The following RBFOX1 variants were observed in gnomAD, a reference collection of about 807,000 sequenced individuals.
The protein encoded by RBFOX1 is RNA binding protein fox-1 homolog 1.
Under a neutral mutation model 57.7 loss-of-function variants are expected in RBFOX1, and 8 were observed. That is an observed-to-expected ratio of 0.14 (90% CI 0.08 to 0.25). RBFOX1 has a LOEUF of 0.25. RBFOX1 is among the 10% of genes least tolerant of loss of function. The pLI is 1.00. For missense variants in RBFOX1, 611 were observed against 548.5 expected (o/e 1.11, Z -1.14); for synonymous variants, 326 against 222.4 (o/e 1.47, Z -4.15).
intron 1 of RBFOX1, among the ~76,000 whole-genome samples, chr16:6,260,313 G>T (rs2097694057): frequency 2.0e-5 from 3 of 152,134 alleles, no homozygotes; most frequent in African/African-American, 7.2e-5. Flanking sequence ...CTTTCTACCT[G>T]CCTGTCTCTG....
At chr16:5,498,529 C>T (rs900018507) in intron 2 of RBFOX1, among the ~76,000 whole-genome samples, 1 of 152,124 alleles carries the variant, frequency 6.6e-6, no homozygotes, top group Non-Finnish European at 1.5e-5. Context: ...ATCACACTGC[C>T]TGCTGCAAGG....
chr16:6,915,667 C>T (rs992333499), intron 3 of RBFOX1, among the ~76,000 whole-genome samples: 2 of 151,506 alleles, frequency 1.3e-5, no homozygotes, highest in East Asian at 2.0e-4. Context: ...CCTCCTGCCT[C>T]AGCCTTCAGA....
chr16:7,428,112 C>G (rs564456878), intron 4 of RBFOX1, among the ~76,000 whole-genome samples: 13 of 152,252 alleles, frequency 8.5e-5, no homozygotes, highest in African/African-American at 3.1e-4. Flanking sequence ...GTCATTTCCT[C>G]CAAATCTGAA....
chr16:7,585,127 C>A (rs1338106593), intron 6 of RBFOX1, among the ~76,000 whole-genome samples: 2 of 152,154 alleles, frequency 1.3e-5, no homozygotes, highest in Non-Finnish European at 2.9e-5. Context: ...GCTCTTATGC[C>A]TGAAATAAAT....
chr16:7,092,570 T>C (rs1040458243), intron 4 of RBFOX1, among the ~76,000 whole-genome samples: 1 of 152,244 alleles, frequency 6.6e-6, no homozygotes, highest in Non-Finnish European at 1.5e-5. Flanking sequence ...TTTCTGCTTA[T>C]AAAAATCCTT....
intron 3 of RBFOX1, among the ~76,000 whole-genome samples, chr16:5,763,958 A>C (rs980127001): frequency 2.0e-5 from 3 of 151,780 alleles, no homozygotes; most frequent in Non-Finnish European, 4.4e-5. Flanking sequence ...TCACCTGTTT[A>C]CTCGTCTATC....
chr16:7,145,821 A>G (rs1380383574), intron 4 of RBFOX1, among the ~76,000 whole-genome samples: 1 of 152,132 alleles, frequency 6.6e-6, no homozygotes, highest in African/African-American at 2.4e-5. Flanking sequence ...CCGCACACAC[A>G]CTACTTCTCC....
rs1891327 is a variant in RBFOX1 at position 6,382,165 on chromosome 16, A to G, written c.-64+65108A>G. Among the ~76,000 whole-genome samples, 742 of 152,326 alleles carry G rather than the reference A, an allele frequency of 4.9e-3. 12 individuals carry two copies. The highest frequency in any genetic ancestry group is 0.016 in the African/African-American group (685 of 41,578). The stretch of plus-strand genomic sequence containing the variant: ...CCATCATTTTCATGTGTTGAAGAAT[A>G]GTATTCTTGTGATCCTTTTTCCCCA... On this transcript the variant is annotated intron_variant, in intron 2 of 15. Transcript: ENST00000550418.
rs144041758 is a variant in RBFOX1, at chr16:7,703,850, C to T, written c.996-5206C>T. Among the ~76,000 whole-genome samples the T allele has an allele frequency of 9.2e-3, 1,404 of 152,316 alleles. 23 individuals carry two copies. Among genetic ancestry groups the T allele is most frequent in the East Asian group, 0.041 (211 of 5,178 alleles). ...ATAAATTAGATCTCAACTCCAAAAGCATCTGTAATTTGATCGGTAGAGCTG... is the reference window on the plus strand; with the variant it reads ...ATAAATTAGATCTCAACTCCAAAAGTATCTGTAATTTGATCGGTAGAGCTG... On this transcript the variant is annotated intron_variant, in intron 14 of 15. Coordinates refer to ENST00000550418, the MANE Select transcript of RBFOX1 (RefSeq NM_018723.4).
intron 1 of RBFOX1, among the ~76,000 whole-genome samples, chr16:6,105,219 A>T (rs1171067229): frequency 1.3e-5 from 2 of 152,202 alleles, no homozygotes; most frequent in Admixed American, 1.3e-4. Context: ...GTTTTGGAGA[A>T]TATGTACAGT....
chr16:5,764,497 G>A (rs937493099), intron 3 of RBFOX1, among the ~76,000 whole-genome samples: 3 of 152,070 alleles, frequency 2.0e-5, no homozygotes, highest in South Asian at 4.2e-4. Flanking sequence ...CCAGGCTCAG[G>A]TGTTTCTTTA....
chr16:5,737,802 T>A (rs1408145904), intron 3 of RBFOX1, among the ~76,000 whole-genome samples: 1 of 152,174 alleles, frequency 6.6e-6, no homozygotes. Flanking sequence ...CTGAATTATA[T>A]CTCAATAAAG....
intron 4 of RBFOX1, among the ~76,000 whole-genome samples, chr16:7,361,886 G>T (rs2097329267): frequency 6.6e-6 from 1 of 151,228 alleles, no homozygotes; most frequent in African/African-American, 2.4e-5. Flanking sequence ...TTGTGTATAT[G>T]TTAGTATGTG....
At chr16:6,838,613 C>A (rs978635644) in intron 3 of RBFOX1, among the ~76,000 whole-genome samples, 3 of 152,166 alleles carry the variant, frequency 2.0e-5, no homozygotes, top group African/African-American at 7.2e-5. Context: ...TGCACTGCCA[C>A]TTAAGTAAAA....
At chr16:5,707,017 C>G (rs1216269375) in intron 3 of RBFOX1, among the ~76,000 whole-genome samples, 2 of 152,130 alleles carry the variant, frequency 1.3e-5, no homozygotes, top group Non-Finnish European at 2.9e-5. Context: ...ATGCTTGAGG[C>G]CATCTCTCTC....
intron 3 of RBFOX1, among the ~76,000 whole-genome samples, chr16:6,755,896 C>T (rs1442139996): frequency 1.3e-5 from 2 of 152,122 alleles, no homozygotes; most frequent in African/African-American, 2.4e-5. Context: ...CTGAAAACTG[C>T]AGCAGATGCA....
intron 3 of RBFOX1, among the ~76,000 whole-genome samples, chr16:6,792,380 C>G (rs115908895): frequency 3.9e-5 from 6 of 152,222 alleles, no homozygotes; most frequent in African/African-American, 1.2e-4. Context: ...TATCTTTATG[C>G]AGAATTATGC....
intron 4 of RBFOX1, among the ~76,000 whole-genome samples, chr16:5,963,812 C>A (rs1331520316): frequency 6.6e-6 from 1 of 152,092 alleles, no homozygotes; most frequent in East Asian, 1.9e-4. Context: ...CTCCTAGAAA[C>A]AAAACAGGAG....
chr16:7,396,805 G>T (rs2098146208), intron 4 of RBFOX1, among the ~76,000 whole-genome samples: 2 of 152,138 alleles, frequency 1.3e-5, no homozygotes, highest in African/African-American at 4.8e-5. Flanking sequence ...GCCAGGTTTG[G>T]TGGTGTGCTC....
Sources: allele counts gnomAD v4.1 joint callset (sites outside exome capture counted in the v4.1 genomes callset), GRCh38; gene constraint gnomAD v4.1.1; transcripts MANE v1.5; gene names NCBI Gene and HGNC (gene_info 2026-07-23, HGNC 2026-07-21).